ARAP2: variants seen among roughly 807,000 people sequenced by gnomAD.
ARAP2 encodes arf-GAP with Rho-GAP domain, ANK repeat and PH domain-containing protein 2.
ARAP2 carries 148 observed loss-of-function variants against 194.5 expected under a neutral mutation model. The ratio of observed to expected loss-of-function variants is 0.76; its 90% CI spans 0.67 to 0.87. ARAP2 has a LOEUF of 0.87. Ranked by LOEUF, ARAP2 falls within the 40% of genes least tolerant of loss-of-function variation. The probability of loss-of-function intolerance (pLI) is 0.00; values close to 1 mark genes in which losing one functional copy is unlikely to be tolerated. For missense variants in ARAP2, 2,128 were observed against 1,989.7 expected (o/e 1.07, Z -1.32); for synonymous variants, 695 against 683.5 (o/e 1.02, Z -0.26).
At chr4:36,151,096 T>C in intron 15 of ARAP2, 52 bp from the exon 16 acceptor site, 1 of 1,492,548 alleles carries the variant, frequency 6.7e-7, no homozygotes, top group South Asian at 1.3e-5. Flanking sequence ...ACGAATCCAA[T>C]TTTAAAAACA....
intron 9 of ARAP2, among the ~76,000 whole-genome samples, chr4:36,170,807 T>C (rs976474928): frequency 6.6e-6 from 1 of 152,152 alleles, no homozygotes. Context: ...AGCAAAGCAG[T>C]GCTTAGTAAG....
chr4:36,103,840 A>G (rs1717663778), intron 27 of ARAP2, among the ~76,000 whole-genome samples: 2 of 152,092 alleles, frequency 1.3e-5, no homozygotes, highest in South Asian at 2.1e-4. Context: ...CACATTTTAA[A>G]TAGTTCAGAT....
rs1338216847 is a variant in ARAP2, at chr4:36,107,713, A to G, written c.4157-20T>C. ...GACGCTCTGTAAAAAATAAATTCCAAATCAAATGGAAAATATATGAGGATA... is the reference window on the plus strand; with the variant it reads ...GACGCTCTGTAAAAAATAAATTCCAGATCAAATGGAAAATATATGAGGATA... On this transcript the variant is annotated intron_variant, in intron 26 of 32. Coordinates refer to ENST00000303965, the MANE Select transcript of ARAP2 (RefSeq NM_015230.4). 1.3e-6 allele frequency: 2 copies of G among 1,573,246 alleles called. No homozygotes were observed. Among genetic ancestry groups the G allele is most frequent in the African/African-American group, 2.7e-5 (2 of 72,750 alleles).
chr4:36,067,622 G>C lies in ARAP2; in HGVS notation c.*285C>G, dbSNP rs1725794654. 7.7e-6 allele frequency: 2 copies of C among 260,508 alleles called. No individual in the cohort carries two copies. The highest frequency in any genetic ancestry group is 9.8e-5 in the Admixed American group (2 of 20,408). 16.1% of individuals were successfully genotyped at this position (260,508 alleles called of 1,614,324 possible). A position where few individuals can be genotyped will look rare whatever the true frequency, so the allele number is the denominator to read the frequency against. ...TGCTCATAAATTATACCACTTAACA[G>C]ACAACTACTTTAAAAGGACTGACCA... On this transcript the variant is annotated 3_prime_UTR_variant, in exon 33 of 33. Transcript: ENST00000303965.
chr4:36,071,835 T>A (rs1727032667), intron 32 of ARAP2, among the ~76,000 whole-genome samples: 4 of 151,872 alleles, frequency 2.6e-5, no homozygotes. Context: ...TATCTCCCAA[T>A]GCTATCCCTC....
At chr4:36,197,336 T>G (rs1743341534) in intron 6 of ARAP2, among the ~76,000 whole-genome samples, 5 of 152,234 alleles carry the variant, frequency 3.3e-5, no homozygotes, top group Admixed American at 3.3e-4. Flanking sequence ...AACGAATGAA[T>G]GTATTTTTCA....
intron 6 of ARAP2, among the ~76,000 whole-genome samples, chr4:36,016,723 A>T (rs999431535): frequency 6.6e-6 from 1 of 152,170 alleles, no homozygotes; most frequent in African/African-American, 2.4e-5. Context: ...TTAAAAATAT[A>T]TTATTTCTCC....
rs746426516 is a variant in ARAP2 at position 36,082,308 on chromosome 4, AC to A, written c.4509-23del. 2.5e-6 allele frequency: 4 copies of A among 1,599,938 alleles called. 1 individual carries two copies. The South Asian group carries it at 4.6e-5, about 18-fold the overall frequency. On this transcript the variant is annotated intron_variant, in intron 29 of 32. Transcript: ENST00000303965. ...CCAGCTGCATCACATAGAAAAAAAA[AC>A]ACACATAAATTAAAAATAATACATT... is the stretch of plus-strand genomic sequence containing the variant.
At chr4:36,173,863 T>C (rs191547015) in intron 9 of ARAP2, among the ~76,000 whole-genome samples, 46 of 152,328 alleles carry the variant, frequency 3.0e-4, no homozygotes, top group Admixed American at 2.5e-3. Context: ...CTAACACTTT[T>C]AAGGTTATAA....
At chr4:36,212,323 C>T in intron 5 of ARAP2, 73 bp downstream of exon 5, 1 of 1,275,000 alleles carries the variant, frequency 7.8e-7, no homozygotes, top group South Asian at 1.4e-5. Flanking sequence ...CAATATTATA[C>T]TAAGAATGAG....
At chr4:36,014,257 G>GAAAGAAAGAAAT (rs1560263962) in intron 8 of ARAP2, among the ~76,000 whole-genome samples, 1 of 134,628 alleles carries the variant, frequency 7.4e-6, no homozygotes, top group African/African-American at 2.9e-5. Flanking sequence ...AAGAAAGAAA[G>GAAAGAAAGAAAT]AAAGAAAGAA....
chr4:36,071,746 T>C (rs961495525), intron 32 of ARAP2, among the ~76,000 whole-genome samples: 1 of 151,088 alleles, frequency 6.6e-6, no homozygotes, highest in South Asian at 2.1e-4. Flanking sequence ...CATGTGCACA[T>C]TGTGCAGGTT....
intron 28 of ARAP2, among the ~76,000 whole-genome samples, chr4:36,088,843 A>G (rs1441152651): frequency 1.3e-5 from 2 of 152,154 alleles, no homozygotes; most frequent in African/African-American, 4.8e-5. Flanking sequence ...AACAGATGTT[A>G]AAGTCTGGTC....
intron 26 of ARAP2, among the ~76,000 whole-genome samples, chr4:36,110,005 A>G (rs556702260): frequency 6.6e-6 from 1 of 151,820 alleles, no homozygotes; most frequent in Non-Finnish European, 1.5e-5. Flanking sequence ...CTTCACAATA[A>G]CATGCTTCAC....
At chr4:36,160,723 A>T (rs918759636) in intron 12 of ARAP2, 82 bp from the exon 13 acceptor site, 151 of 1,133,902 alleles carry the variant, frequency 1.3e-4, no homozygotes, top group Non-Finnish European at 6.0e-5. Flanking sequence ...TTATATTACA[A>T]ATTAAAGCAT....
rs574615929 is a variant in ARAP2 at position 36,053,143 on chromosome 4, G to T, written n.322-1090C>A. Among the ~76,000 whole-genome samples the T allele has an allele frequency of 6.0e-5, 9 of 150,772 alleles. No homozygotes were observed. The East Asian group carries it at 1.6e-3, about 27-fold the overall frequency. ...TGCCTCAGCCTCCTGAGTAGCTGGGGTTACAGGCGCCTGCCACCACGCCTG... is the reference window on the plus strand; with the variant it reads ...TGCCTCAGCCTCCTGAGTAGCTGGGTTTACAGGCGCCTGCCACCACGCCTG... On this transcript the variant is annotated intron_variant and non_coding_transcript_variant, in intron 2 of 12. Coordinates refer to the ARAP2 transcript ENST00000503225.
rs576452251 is a variant in ARAP2 at position 36,212,249 on chromosome 4, G to T, written c.1133+147C>A. ...TAATTCAATTAATAAAATGGGTGCT[G>T]CTATGCTTACATTTAGAGAGGAAAA... On this transcript the variant is annotated intron_variant, in intron 5 of 32. Transcript: ENST00000303965. 5.5e-6 allele frequency: 3 copies of T among 549,666 alleles called. No homozygotes were observed. The Admixed American group carries it at 9.6e-5, about 18-fold the overall frequency. The allele number at this position is 549,666 out of a possible 1,614,324, so 34.0% of individuals were successfully genotyped here. A position where few individuals can be genotyped will look rare whatever the true frequency, so the allele number is the denominator to read the frequency against.
At chr4:36,121,361 T>G (rs747404167) in intron 22 of ARAP2, 35 bp from the exon 23 acceptor site, 1 of 1,517,920 alleles carries the variant, frequency 6.6e-7, no homozygotes, top group Non-Finnish European at 8.9e-7. Flanking sequence ...TATGATACAC[T>G]TTTATTTGGA....
downstream of ARAP2, among the ~76,000 whole-genome samples, chr4:36,062,637 T>TGC (rs1424630937): frequency 1.6e-4 from 23 of 147,562 alleles, 1 homozygote; most frequent in African/African-American, 5.6e-4. Context: ...TGTGAGAGTG[T>TGC]GTGTGTGTGT....
Sources: allele counts gnomAD v4.1 joint callset (sites outside exome capture counted in the v4.1 genomes callset), GRCh38; gene constraint gnomAD v4.1.1; transcripts MANE v1.5; gene names NCBI Gene and HGNC (gene_info 2026-07-23, HGNC 2026-07-21).